Variants in TEX9 observed in about 807,000 individuals in gnomAD.
The protein encoded by TEX9 is testis expressed 9, also known as testis-expressed protein 9.
Under a neutral mutation model 59.6 loss-of-function variants are expected in TEX9, and 74 were observed. That is an observed-to-expected ratio of 1.24 (90% CI 1.03 to 1.51). The LOEUF is 1.51. Among genes scored for constraint, TEX9 ranks in the 40% most tolerant of loss-of-function variants. TEX9 has a pLI of 0.00. For missense variants in TEX9, 522 were observed against 447.8 expected (o/e 1.17, Z -1.49); for synonymous variants, 186 against 152.2 (o/e 1.22, Z -1.64).
intron 1 of TEX9, among the ~76,000 whole-genome samples, chr15:56,267,130 A>G (rs139407065): frequency 6.6e-6 from 1 of 152,154 alleles, no homozygotes; most frequent in Non-Finnish European, 1.5e-5. Flanking sequence ...TCTTCTTTTG[A>G]AAAGTGTCTG....
At chr15:56,329,952 A>G (rs1401400964) in intron 1 of TEX9, among the ~76,000 whole-genome samples, 2 of 152,054 alleles carry the variant, frequency 1.3e-5, no homozygotes, top group African/African-American at 4.8e-5. Flanking sequence ...ATTTAATCCA[A>G]AGAAGACTAC....
At chr15:56,277,681 T>C (rs1344491961) in intron 1 of TEX9, among the ~76,000 whole-genome samples, 1 of 152,220 alleles carries the variant, frequency 6.6e-6, no homozygotes, top group Non-Finnish European at 1.5e-5. Flanking sequence ...AAATTCAAAG[T>C]AGTTGTTTTT....
At chr15:56,298,156 T>C (rs1192025116) in intron 1 of TEX9, among the ~76,000 whole-genome samples, 2 of 152,210 alleles carry the variant, frequency 1.3e-5, no homozygotes, top group East Asian at 3.8e-4. Context: ...CTACATCTCC[T>C]TTACAAAAAA....
intron 1 of TEX9, among the ~76,000 whole-genome samples, chr15:56,356,908 A>G (rs1158978293): frequency 1.3e-5 from 2 of 151,922 alleles, no homozygotes; most frequent in African/African-American, 4.8e-5. Flanking sequence ...CCAATTCTGG[A>G]TCCTGTCTCA....
At chr15:56,404,960 A>G (rs1178172246) in intron 9 of TEX9, among the ~76,000 whole-genome samples, 4 of 152,144 alleles carry the variant, frequency 2.6e-5, no homozygotes, top group Admixed American at 1.3e-4. Flanking sequence ...GGGCGGGAAC[A>G]TCACACACCA....
chr15:56,444,190 G>C (rs2050868156), intron 12 of TEX9, among the ~76,000 whole-genome samples: 1 of 151,956 alleles, frequency 6.6e-6, no homozygotes, highest in Non-Finnish European at 1.5e-5. Context: ...CATATGATAT[G>C]GGCATATATA....
intron 10 of TEX9, among the ~76,000 whole-genome samples, chr15:56,424,077 A>T (rs1487504583): frequency 3.3e-5 from 5 of 152,148 alleles, no homozygotes; most frequent in African/African-American, 1.2e-4. Flanking sequence ...GATTATTGGA[A>T]GTGGGGTATT....
the TEX9 span, among the ~76,000 whole-genome samples, chr15:56,458,390 C>T: frequency 6.6e-6 from 1 of 152,164 alleles, no homozygotes; most frequent in Non-Finnish European, 1.5e-5. Flanking sequence ...GCTTCCCCTT[C>T]TATCAGCCTC....
At chr15:56,411,527 T>G (rs2140136245) in intron 9 of TEX9, among the ~76,000 whole-genome samples, 1 of 152,042 alleles carries the variant, frequency 6.6e-6, no homozygotes, top group East Asian at 1.9e-4. Context: ...TATGTGAAAA[T>G]GAGTGGGCAG....
chr15:56,437,679 C>T (rs574219791), intron 12 of TEX9, among the ~76,000 whole-genome samples: 5 of 152,242 alleles, frequency 3.3e-5, no homozygotes, highest in South Asian at 2.1e-4. Context: ...TCAAATTGTC[C>T]TTGTTTGCAG....
At chr15:56,266,134 C>CTT (rs1277977269) in intron 1 of TEX9, among the ~76,000 whole-genome samples, 2 of 147,542 alleles carry the variant, frequency 1.4e-5, no homozygotes, top group Non-Finnish European at 3.0e-5. Flanking sequence ...TAATTTCTCT[C>CTT]TTTTTTTTTT....
At chr15:56,403,643 C>T (rs149125648) in intron 9 of TEX9, among the ~76,000 whole-genome samples, 69,704 of 152,040 alleles carry the variant, frequency 0.46, 16,205 homozygotes, top group South Asian at 0.64. Flanking sequence ...TTAAAGTTCA[C>T]GTGGAACCAA....
intron 1 of TEX9, among the ~76,000 whole-genome samples, chr15:56,301,059 T>C (rs2045349348): frequency 6.6e-6 from 1 of 152,218 alleles, no homozygotes; most frequent in African/African-American, 2.4e-5. Flanking sequence ...ATGTGACCTT[T>C]CGGACAGAGA....
At chr15:56,333,075 G>A (rs1180146900) in intron 1 of TEX9, among the ~76,000 whole-genome samples, 3 of 152,122 alleles carry the variant, frequency 2.0e-5, no homozygotes, top group Admixed American at 2.0e-4. Flanking sequence ...CTTTTTTGCT[G>A]AATTCCACCA....
At chr15:56,381,097 T>G (rs762499762) in intron 3 of TEX9, among the ~76,000 whole-genome samples, 1 of 152,104 alleles carries the variant, frequency 6.6e-6, no homozygotes, top group African/African-American at 2.4e-5. Context: ...GTAGGCATGC[T>G]TCATTCTTTT....
intron 1 of TEX9, among the ~76,000 whole-genome samples, chr15:56,270,017 G>A (rs1200621041): frequency 1.3e-5 from 2 of 152,146 alleles, no homozygotes; most frequent in African/African-American, 4.8e-5. Context: ...GAGACAGTTT[G>A]TTGTGATTTC....
Position 56,420,309 on chromosome 15 carries a change from C to CT in TEX9, c.964-7286dup, listed in dbSNP as rs1206693139. ...TCAATTTGTTCTTTTTCTCTTTTCT[C>CT]TTTTTTTTTTCTCCCCTAGACAGAG... On this transcript the variant is annotated intron_variant, in intron 10 of 12. Transcript: ENST00000352903. 4.6e-4 allele frequency among the ~76,000 whole-genome samples: 68 copies of CT among 147,364 alleles called. No homozygotes were observed. The Middle Eastern group carries it at 0.01, about 22-fold the overall frequency.
At chr15:56,389,098 G>A (rs1392901529) in intron 5 of TEX9, among the ~76,000 whole-genome samples, 1 of 151,920 alleles carries the variant, frequency 6.6e-6, no homozygotes, top group Non-Finnish European at 1.5e-5. Flanking sequence ...TGAATCTTTA[G>A]GACTCATTTT....
chr15:56,445,441 A>G (rs2050890590), intron 12 of TEX9, among the ~76,000 whole-genome samples: 1 of 152,068 alleles, frequency 6.6e-6, no homozygotes, highest in African/African-American at 2.4e-5. Flanking sequence ...TGGAATGGTC[A>G]GCAGCATCAA....
Sources: allele counts gnomAD v4.1 joint callset (sites outside exome capture counted in the v4.1 genomes callset), GRCh38; gene constraint gnomAD v4.1.1; transcripts MANE v1.5; gene names NCBI Gene and HGNC (gene_info 2026-07-23, HGNC 2026-07-21).